Variants in CFAP206 observed in about 807,000 individuals in gnomAD.
CFAP206 encodes the protein cilia and flagella associated protein 206.
A neutral mutation model predicts 65.4 loss-of-function variants in CFAP206; 53 were observed. The ratio of observed to expected loss-of-function variants is 0.81; its 90% CI spans 0.65 to 1.02. CFAP206 has a LOEUF of 1.02. Ranked by LOEUF, CFAP206 falls within the 50% of genes least tolerant of loss-of-function variation. CFAP206 has a pLI of 0.00. For missense variants in CFAP206, 663 were observed against 753.2 expected (o/e 0.88, Z 1.40); for synonymous variants, 250 against 254.4 (o/e 0.98, Z 0.17).
intron 10 of CFAP206, among the ~76,000 whole-genome samples, chr6:87,432,688 A>C (rs2127952378): frequency 6.6e-6 from 1 of 152,316 alleles, no homozygotes; most frequent in East Asian, 1.9e-4. Context: ...AATGAAAAGG[A>C]TCAACCAGGA....
chr6:87,432,285 T>C (rs1014087913), intron 10 of CFAP206, among the ~76,000 whole-genome samples: 1 of 152,194 alleles, frequency 6.6e-6, no homozygotes, highest in African/African-American at 2.4e-5. Flanking sequence ...TGTTATTACA[T>C]TTTTGATAAT....
chr6:87,461,274 CAGAGTT>C, intron 12 of CFAP206, 109 bp downstream of exon 12: 2 of 685,560 alleles, frequency 2.9e-6, no homozygotes, highest in South Asian at 4.2e-5. Flanking sequence ...GAGTTTTATA[CAGAGTT>C]CTTTGCTAAC....
In CFAP206 at chr6:87,415,524, G is replaced by A. The variant is rs192512942; in HGVS notation, c.284-162G>A. The A allele has an allele frequency of 3.4e-3, 2,461 of 715,214 alleles. 12 individuals are homozygous for A. The highest frequency in any genetic ancestry group is 4.9e-3 in the Non-Finnish European group (1,986 of 406,464). 44.3% of individuals were successfully genotyped at this position (715,214 alleles called of 1,614,324 possible). ...TTCCCTCCTGGATTTTTGTCTTGAG[G>A]CTACATGCTGGCCACTGTTTTTTAT... On this transcript the variant is annotated intron_variant, in intron 4 of 12. Coordinates refer to ENST00000369562, the MANE Select transcript of CFAP206 (RefSeq NM_001031743.3).
chr6:87,410,221 C>T (rs560036002), intron 2 of CFAP206, among the ~76,000 whole-genome samples: 5 of 152,168 alleles, frequency 3.3e-5, no homozygotes, highest in African/African-American at 1.2e-4. Context: ...TTTTGTTTGC[C>T]GTTGTTAAAA....
intron 11 of CFAP206, among the ~76,000 whole-genome samples, chr6:87,452,780 C>A (rs1768567838): frequency 6.6e-6 from 1 of 151,680 alleles, no homozygotes; most frequent in Non-Finnish European, 1.5e-5. Flanking sequence ...AATACATAGT[C>A]AGAGGAGTCA....
intron 10 of CFAP206, among the ~76,000 whole-genome samples, chr6:87,431,463 C>G (rs1768153855): frequency 6.6e-6 from 1 of 152,128 alleles, no homozygotes; most frequent in Non-Finnish European, 1.5e-5. Context: ...ATGAAGAATT[C>G]TAGAAATGTT....
chr6:87,434,965 T>C lies in CFAP206; in HGVS notation c.1406T>C (p.Ile469Thr). The change falls in exon 11 of 13, where the codon ATA becomes ACA. Residue 469 changes from isoleucine to threonine, a missense_variant. Transcript: ENST00000369562. ...GAAAATCCTGAACATTATATTGACA[T>C]AGTTAGAGAAAAGGCCAAAAAAAAT... is the stretch of plus-strand genomic sequence containing the variant. ...FAENPEHYID[I>T]VREKAKKNTE... 6.3e-7 allele frequency: 1 copy of C among 1,595,636 alleles called. No individual in the cohort carries two copies. The highest frequency in any genetic ancestry group is 8.6e-7 in the Non-Finnish European group (1 of 1,165,342).
intron 11 of CFAP206, chr6:87,444,735 A>G (rs771360878): frequency 9.6e-6 from 4 of 418,488 alleles, no homozygotes; most frequent in Non-Finnish European, 1.8e-5. Context: ...CTCACTCTTC[A>G]TGGTTTTGCT....
chr6:87,446,068 ATTTG>A (rs550957812), intron 11 of CFAP206, among the ~76,000 whole-genome samples: 373 of 152,036 alleles, frequency 2.5e-3, no homozygotes, highest in African/African-American at 8.6e-3. Context: ...TCTCTTGCAA[ATTTG>A]TTTAAGTTCC....
Position 87,409,928 on chromosome 6 carries a change from A to C in CFAP206, c.89A>C (p.Glu30Ala). The C allele has an allele frequency of 6.2e-7, 1 of 1,610,052 alleles. No individual in the cohort carries two copies. The highest frequency in any genetic ancestry group is 1.1e-5 in the South Asian group (1 of 90,684). ...GCAGCCCATGGAGAGATTGTTTCTG[A>C]AACTCTGATTGCTTTTATGGTAAGA... ...ECAAHGEIVS[E>A]TLIAFMVKAV... Residue 30 changes from glutamate to alanine, a missense_variant, in exon 2 of 13, where the codon GAA becomes GCA. Coordinates refer to ENST00000369562, the MANE Select transcript of CFAP206 (RefSeq NM_001031743.3).
chr6:87,415,731 GCT>G lies in CFAP206; in HGVS notation c.332_333del (p.Ser111CysfsTer8). On this transcript the variant is annotated frameshift_variant, in exon 5 of 13. Transcript: ENST00000369562. LOFTEE classifies it high-confidence loss of function. ...CACCGGGTCCTAGAGTCTAGATTAG[GCT>G]CTGTTACCCGAGAAATTACAGATAA... 1 of 1,611,958 alleles carries G rather than the reference GCT, an allele frequency of 6.2e-7. No individual in the cohort carries two copies. Among genetic ancestry groups the G allele is most frequent in the South Asian group, 1.1e-5 (1 of 90,580 alleles).
At chr6:87,434,696 C>G (rs1277816304) in intron 10 of CFAP206, among the ~76,000 whole-genome samples, 164 bp from the exon 11 acceptor site, 2 of 152,048 alleles carry the variant, frequency 1.3e-5, no homozygotes, top group African/African-American at 4.8e-5. Context: ...CGGGGTTTCA[C>G]CTTGTTGGTC....
At chr6:87,409,775 G>GA in intron 1 of CFAP206, 60 bp from the exon 2 acceptor site, 1 of 1,098,292 alleles carries the variant, frequency 9.1e-7, no homozygotes, top group South Asian at 1.3e-5. Context: ...ATCAAAAGAG[G>GA]AAAAAAATAA....
At chr6:87,463,729 A>G (rs1363175129) in intron 12 of CFAP206, among the ~76,000 whole-genome samples, 1 of 152,212 alleles carries the variant, frequency 6.6e-6, no homozygotes, top group Non-Finnish European at 1.5e-5. Context: ...TAATGAAGGA[A>G]TTAGATTATA....
At chr6:87,441,098 A>G (rs2207144) in intron 11 of CFAP206, 91,124 of 157,516 alleles carry the variant, frequency 0.58, 26,604 homozygotes, top group Admixed American at 0.67. Context: ...GCATGGCCCT[A>G]GGGTATCAGT....
At chr6:87,410,204 C>T (rs1275632750) in intron 2 of CFAP206, among the ~76,000 whole-genome samples, 10 of 152,130 alleles carry the variant, frequency 6.6e-5, no homozygotes, top group Non-Finnish European at 4.4e-5. Context: ...AATTTTTTGA[C>T]GTGTATTTTT....
At chr6:87,428,600 T>C in intron 8 of CFAP206, 26 bp from the exon 9 acceptor site, 1 of 1,597,022 alleles carries the variant, frequency 6.3e-7, no homozygotes, top group Non-Finnish European at 8.6e-7. Context: ...CAGTTGCATT[T>C]TGAATATTTT....
intron 11 of CFAP206, among the ~76,000 whole-genome samples, chr6:87,449,789 T>G (rs1327387324): frequency 6.6e-6 from 1 of 152,154 alleles, no homozygotes; most frequent in Non-Finnish European, 1.5e-5. Flanking sequence ...CTTTTCTCTG[T>G]TGATTGTTTC....
At chr6:87,455,163 C>T (rs987271726) in intron 11 of CFAP206, among the ~76,000 whole-genome samples, 1 of 152,038 alleles carries the variant, frequency 6.6e-6, no homozygotes, top group East Asian at 1.9e-4. Context: ...CTCAAGTGAT[C>T]CACCCACTTC....
Sources: allele counts gnomAD v4.1 joint callset (sites outside exome capture counted in the v4.1 genomes callset), GRCh38; gene constraint gnomAD v4.1.1; transcripts MANE v1.5; gene names NCBI Gene and HGNC (gene_info 2026-07-23, HGNC 2026-07-21).